The following TCF7 variants were observed in gnomAD, a reference collection of about 807,000 sequenced individuals.
TCF7 encodes the protein transcription factor 7.
A neutral mutation model predicts 46.8 loss-of-function variants in TCF7; 19 were observed. The ratio of observed to expected loss-of-function variants is 0.41; its 90% CI spans 0.28 to 0.60. TCF7 has a LOEUF of 0.60. TCF7 is among the 20% of genes least tolerant of loss of function. The probability of loss-of-function intolerance (pLI) is 0.35; values close to 1 mark genes in which losing one functional copy is unlikely to be tolerated. For synonymous variants in TCF7, 245 were observed against 213.4 expected (o/e 1.15, Z -1.29); for missense variants, 547 against 504.6 (o/e 1.08, Z -0.81).
intron 5 of TCF7, chr5:134,140,742 T>C (rs1304396762): frequency 6.6e-6 from 3 of 453,566 alleles, no homozygotes; most frequent in Admixed American, 4.7e-5. Flanking sequence ...GGGAAGTCTT[T>C]CCTCGTGTCT....
intron 9 of TCF7, chr5:134,144,022 GC>G (rs1431220116): frequency 4.8e-6 from 1 of 208,164 alleles, no homozygotes; most frequent in Non-Finnish European, 9.8e-6. Context: ...GCTGAGCTAG[GC>G]CCCATGACTA....
intron 3 of TCF7, among the ~76,000 whole-genome samples, chr5:134,130,543 G>A (rs1425197295): frequency 6.6e-6 from 1 of 152,246 alleles, no homozygotes; most frequent in Non-Finnish European, 1.5e-5. Flanking sequence ...TCCAGAAGAA[G>A]GGGTGCTTTT....
intron 3 of TCF7, among the ~76,000 whole-genome samples, chr5:134,125,988 G>A (rs553778762): frequency 5.9e-4 from 90 of 152,246 alleles, no homozygotes; most frequent in Non-Finnish European, 1.0e-3. Context: ...GGGAAGCTTT[G>A]TAGCTATCAA....
rs1757353106 is a variant in TCF7 at position 134,126,419 on chromosome 5, G to C, written c.441+10386G>C. On this transcript the variant is annotated intron_variant, in intron 3 of 9. Transcript: ENST00000342854. Reference sequence around the variant, plus strand: ...AGTTGGGACCAGAAAGGGCCGGAGAGGATCTGTGGGGCCCAGGCCACATCT... The same window carrying C: ...AGTTGGGACCAGAAAGGGCCGGAGACGATCTGTGGGGCCCAGGCCACATCT... Among the ~76,000 whole-genome samples, 3 of 152,244 alleles carry C rather than the reference G, an allele frequency of 2.0e-5. No individual in the cohort carries two copies. The South Asian group carries it at 6.2e-4, about 31-fold the overall frequency.
chr5:134,146,193 G>GTTTACAGAT (rs756937019), intron 9 of TCF7, 31 bp from the exon 10 acceptor site: 3 of 1,614,008 alleles, frequency 1.9e-6, no homozygotes, highest in Non-Finnish European at 2.5e-6. Flanking sequence ...TTCACCCTCT[G>GTTTACAGAT]TTTACAGATA....
At chr5:134,114,269 G>C (rs540827396), upstream of TCF7, among the ~76,000 whole-genome samples, 2 of 152,100 alleles carry the variant, frequency 1.3e-5, no homozygotes, top group Admixed American at 6.5e-5. Context: ...GCCTCAAGCA[G>C]CCTCAAGCCC....
the TCF7 span, among the ~76,000 whole-genome samples, chr5:134,108,223 C>G: frequency 1.3e-5 from 2 of 150,970 alleles, no homozygotes; most frequent in African/African-American, 5.0e-5. Context: ...GGAAACCCGT[C>G]CGTCCCCACT....
intron 3 of TCF7, chr5:134,123,579 A>G (rs1021419511): frequency 9.6e-6 from 4 of 417,700 alleles, no homozygotes; most frequent in African/African-American, 8.1e-5. Context: ...ACAAAGGAGG[A>G]GAGAGGCAGA....
At chr5:134,130,956 G>A (rs1479606745) in intron 3 of TCF7, among the ~76,000 whole-genome samples, 5 of 152,184 alleles carry the variant, frequency 3.3e-5, no homozygotes, top group South Asian at 2.1e-4. Context: ...ACAGTGGATC[G>A]GTGCTACAGA....
intron 3 of TCF7, among the ~76,000 whole-genome samples, chr5:134,126,526 TAAC>T (rs1323466449): frequency 2.6e-5 from 4 of 152,332 alleles, no homozygotes; most frequent in African/African-American, 7.2e-5. Context: ...GTTGAAAGAA[TAAC>T]AACAACTACA....
chr5:134,138,921 G>A, intron 4 of TCF7, 30 bp from the exon 5 acceptor site: 1 of 1,612,610 alleles, frequency 6.2e-7, no homozygotes. Context: ...GGTCAGGCTA[G>A]CCCACTCACT....
At chr5:134,120,861 T>G (rs1388146044) in intron 3 of TCF7, among the ~76,000 whole-genome samples, 1 of 152,204 alleles carries the variant, frequency 6.6e-6, no homozygotes, top group African/African-American at 2.4e-5. Flanking sequence ...TGAGCCCTCC[T>G]CCCAGATTTG....
In TCF7 at chr5:134,147,755, C is replaced by T. The variant is rs1410093997; in HGVS notation, c.*1452C>T. ...CTTTGGCAGGCCGAGGCAGGTGGAT[C>T]ACCTGACGTCAGTAGTTTGAGACCA... is the stretch of plus-strand genomic sequence containing the variant. On this transcript the variant is annotated 3_prime_UTR_variant, in exon 10 of 10. Transcript: ENST00000342854. 6.6e-6 allele frequency: 1 copy of T among 152,174 alleles called. No individual in the cohort carries two copies. Among genetic ancestry groups the T allele is most frequent in the Non-Finnish European group, 1.5e-5 (1 of 68,026 alleles). 9.4% of individuals were successfully genotyped at this position (152,174 alleles called of 1,614,324 possible). A position where few individuals can be genotyped will look rare whatever the true frequency, so the allele number is the denominator to read the frequency against.
Position 134,115,049 on chromosome 5 carries a change from T to C in TCF7, c.143T>C (p.Leu48Pro). The change falls in exon 1 of 10, where the codon CTG becomes CCG. Residue 48 changes from leucine (L) to proline (P), a missense_variant. By Grantham distance (98) the Leu-to-Pro change is moderately conservative. Around this residue, in one of 3 missense-constraint regions of TCF7, gnomAD observed 425 missense variants for 349.9 expected, o/e 1.21. Coordinates refer to ENST00000342854, the MANE Select transcript of TCF7 (RefSeq NM_003202.5). ...RDSAAGPERD[L>P]AELKSSLVNE... The stretch of plus-strand genomic sequence containing the variant: ...AGCGCCGCCGGTCCCGAGCGCGACC[T>C]GGCCGAGCTCAAGTCGTCGCTCGTG... 8.2e-7 allele frequency: 1 copy of C among 1,225,754 alleles called. No homozygotes were observed. The highest frequency in any genetic ancestry group is 1.6e-5 in the South Asian group (1 of 62,528). The allele number at this position is 1,225,754 out of a possible 1,614,324, so 75.9% of individuals were successfully genotyped here.
chr5:134,143,868 A>G, intron 9 of TCF7: 1 of 551,758 alleles, frequency 1.8e-6, no homozygotes, highest in Non-Finnish European at 3.2e-6. Context: ...GCTGGGTAGA[A>G]TTGGAGTAGA....
intron 3 of TCF7, among the ~76,000 whole-genome samples, chr5:134,127,787 GAATCAGGCAGTGGTCCAGAGGA>G (rs1463852144): frequency 6.6e-6 from 1 of 152,238 alleles, no homozygotes; most frequent in Non-Finnish European, 1.5e-5. Context: ...GGCCTGACAG[GAATCAGGCAGTGGTCCAGAGGA>G]AATCAAGGGC....
intron 5 of TCF7, chr5:134,139,998 C>G (rs1759497303): frequency 6.6e-6 from 1 of 152,266 alleles, no homozygotes; most frequent in South Asian, 2.1e-4. Flanking sequence ...AATCTGTAGG[C>G]CAGCCTTTCA....
chr5:134,139,088 G>A lies in TCF7; in HGVS notation c.635+50G>A, dbSNP rs779922519. The stretch of plus-strand genomic sequence containing the variant: ...GGGTACCGTGTGCTGGTCAGACCAA[G>A]ACCTGCCTGCCCTTCCATTTCCTCC... On this transcript the variant is annotated intron_variant, in intron 5 of 9. Transcript: ENST00000342854. 4 of 1,600,016 alleles carry A rather than the reference G, an allele frequency of 2.5e-6. No individual in the cohort carries two copies. In the South Asian group the frequency reaches 4.5e-5, roughly 18 times the overall value.
chr5:134,136,517 G>A (rs59416297), intron 3 of TCF7, among the ~76,000 whole-genome samples: 3,220 of 152,244 alleles, frequency 0.021, 107 homozygotes, highest in African/African-American at 0.074. Flanking sequence ...AGGCAGGAAT[G>A]TGAGGAAAGA....
Sources: allele counts gnomAD v4.1 joint callset (sites outside exome capture counted in the v4.1 genomes callset), GRCh38; gene constraint gnomAD v4.1.1; regional missense constraint gnomAD v4.1.1; transcripts MANE v1.5; gene names NCBI Gene and HGNC (gene_info 2026-07-23, HGNC 2026-07-21).